MACROD1: variants seen among roughly 807,000 people sequenced by gnomAD.
MACROD1 encodes the protein mono-ADP ribosylhydrolase 1, also known as ADP-ribose glycohydrolase MACROD1.
A neutral mutation model predicts 41.4 loss-of-function variants in MACROD1; 31 were observed. The observed-to-expected ratio is 0.75, with a 90% CI of 0.56 to 1.01. MACROD1 has a LOEUF of 1.01. Among genes scored for constraint, MACROD1 ranks in the 50% least tolerant of loss-of-function variants. The pLI, the probability that MACROD1 is intolerant of heterozygous loss-of-function variation, is 0.00. For synonymous variants in MACROD1, 252 were observed against 203.4 expected, an observed-to-expected ratio of 1.24 and a Z score of -2.03; for missense variants, 473 against 460.0, an observed-to-expected ratio of 1.03 and a Z score of -0.26.
chr11:64,154,293 C>T (rs896027574), intron 1 of MACROD1, among the ~76,000 whole-genome samples: 1 of 152,060 alleles, frequency 6.6e-6, no homozygotes, highest in African/African-American at 2.4e-5. Flanking sequence ...TTTTTTGTTG[C>T]TCCATTCTTC....
chr11:64,128,332 T>C (rs565328253), intron 3 of MACROD1, among the ~76,000 whole-genome samples: 2 of 152,170 alleles, frequency 1.3e-5, no homozygotes, highest in East Asian at 1.9e-4. Context: ...TGGAACACAG[T>C]CAGCCAGCCA....
intron 3 of MACROD1, among the ~76,000 whole-genome samples, chr11:64,131,211 G>A (rs1945260521): frequency 6.6e-6 from 1 of 152,214 alleles, no homozygotes. Flanking sequence ...AAGCGGGTGA[G>A]GACACCCTGA....
At chr11:64,044,174 G>A (rs1481236503) in intron 3 of MACROD1, among the ~76,000 whole-genome samples, 1 of 151,710 alleles carries the variant, frequency 6.6e-6, no homozygotes. Flanking sequence ...ACACATGAGA[G>A]TAATCAACAC....
intron 3 of MACROD1, among the ~76,000 whole-genome samples, chr11:64,030,055 C>A (rs1310779031): frequency 6.6e-6 from 1 of 152,088 alleles, no homozygotes; most frequent in Admixed American, 6.5e-5. Flanking sequence ...GAACAACCAC[C>A]CCCCGGGTGA....
At chr11:64,085,635 T>G (rs1015610481) in intron 3 of MACROD1, among the ~76,000 whole-genome samples, 1 of 152,212 alleles carries the variant, frequency 6.6e-6, no homozygotes, top group African/African-American at 2.4e-5. Flanking sequence ...CTGCCCCACA[T>G]GGCTGTGGGG....
intron 6 of MACROD1, 31 bp from the exon 7 acceptor site, chr11:63,999,591 A>G (rs1942781984): frequency 6.2e-7 from 1 of 1,610,116 alleles, no homozygotes; most frequent in African/African-American, 1.3e-5. Flanking sequence ...GGGGGTTGGA[A>G]CATTGTCACT....
intron 8 of MACROD1, 53 bp from the exon 9 acceptor site, chr11:63,999,089 T>C: frequency 6.6e-7 from 1 of 1,511,224 alleles, no homozygotes; most frequent in Non-Finnish European, 8.9e-7. Context: ...GGCCCCAGGA[T>C]CCTGTGACTG....
At chr11:64,073,832 A>G (rs1944153055) in intron 3 of MACROD1, among the ~76,000 whole-genome samples, 1 of 152,142 alleles carries the variant, frequency 6.6e-6, no homozygotes. Context: ...GGGGGCCCAC[A>G]GCCCCCAGAG....
rs1944317630 is a variant in MACROD1 at position 64,082,269 on chromosome 11, G to T, written c.518-66988C>A. Reference sequence around the variant, plus strand: ...TAGCAGAGGATGGCTGAGCCTGGGGGGTGGAGAAAATCTTGCCTCCTGCTC... The same window carrying T: ...TAGCAGAGGATGGCTGAGCCTGGGGTGTGGAGAAAATCTTGCCTCCTGCTC... On this transcript the variant is annotated intron_variant, in intron 3 of 10. Transcript: ENST00000255681. The surrounding 1 kb of genome is among the most constrained non-coding windows in gnomAD (Gnocchi z 4.5). Among the ~76,000 whole-genome samples the T allele has an allele frequency of 6.6e-6, 1 of 152,236 alleles. No homozygotes were observed. Among genetic ancestry groups the T allele is most frequent in the Non-Finnish European group, 1.5e-5 (1 of 68,010 alleles).
chr11:64,139,672 G>C (rs1235276309), intron 3 of MACROD1, among the ~76,000 whole-genome samples: 1 of 152,184 alleles, frequency 6.6e-6, no homozygotes, highest in Non-Finnish European at 1.5e-5. Flanking sequence ...AGAGGCAGGG[G>C]CTGGCCGGGT....
chr11:64,165,774 C>G lies in MACROD1; in HGVS notation c.221G>C (p.Gly74Ala). The change falls in exon 1 of 11, where the codon GGG becomes GCG. Residue 74 changes from glycine to alanine, a missense_variant. Physicochemically the swap from Gly to Ala is moderately conservative, Grantham distance 60 (BLOSUM62 0). Coordinates refer to ENST00000255681, the MANE Select transcript of MACROD1 (RefSeq NM_014067.4). ...WGAAAVGRTA[G>A]VRTWAPLAMA... Reference sequence around the variant, plus strand: ...GGCCAGGGGGGCCCAAGTGCGCACCCCGGCTGTCCGCCCCACCGCCGCCGC... The same window carrying G: ...GGCCAGGGGGGCCCAAGTGCGCACCGCGGCTGTCCGCCCCACCGCCGCCGC... The G allele has an allele frequency of 6.7e-7, 1 of 1,495,612 alleles. No individual in the cohort carries two copies. The highest frequency in any genetic ancestry group is 8.9e-7 in the Non-Finnish European group (1 of 1,128,732). The allele number at this position is 1,495,612 out of a possible 1,614,324, so 92.6% of individuals were successfully genotyped here. A position where few individuals can be genotyped will look rare whatever the true frequency, so the allele number is the denominator to read the frequency against.
chr11:64,015,755 G>T (rs1039918225), intron 3 of MACROD1, among the ~76,000 whole-genome samples: 2 of 152,174 alleles, frequency 1.3e-5, no homozygotes, highest in African/African-American at 4.8e-5. Context: ...TTTGCAACCG[G>T]GCTAAGCGCT....
intron 3 of MACROD1, among the ~76,000 whole-genome samples, chr11:64,149,529 C>T (rs1407090490): frequency 6.6e-6 from 1 of 152,190 alleles, no homozygotes; most frequent in Non-Finnish European, 1.5e-5. Context: ...GTGCAGCCTC[C>T]GGAGCGCCCC....
At chr11:64,143,753 T>TACACACATACACACAC (rs1945448514) in intron 3 of MACROD1, among the ~76,000 whole-genome samples, 1 of 101,616 alleles carries the variant, frequency 9.8e-6, no homozygotes, top group Admixed American at 1.1e-4. Context: ...GACACACACA[T>TACACACATACACACAC]ACACACACAC....
At chr11:64,108,786 G>A (rs755731909) in intron 3 of MACROD1, among the ~76,000 whole-genome samples, 3 of 152,210 alleles carry the variant, frequency 2.0e-5, no homozygotes, top group African/African-American at 4.8e-5. Context: ...GGGAGGGACT[G>A]GCAGGGGAAA....
chr11:64,165,535 G>C (rs947668387), intron 1 of MACROD1, among the ~76,000 whole-genome samples, 162 bp downstream of exon 1: 3 of 151,924 alleles, frequency 2.0e-5, no homozygotes, highest in Admixed American at 1.3e-4. Flanking sequence ...GGGGCGGGGG[G>C]GGCTGTCAAT....
In MACROD1 at chr11:64,150,340, C is replaced by T. The variant is rs192528649; in HGVS notation, c.517+899G>A. On this transcript the variant is annotated intron_variant, in intron 3 of 10. Coordinates refer to ENST00000255681, the MANE Select transcript of MACROD1 (RefSeq NM_014067.4). ...GCGCAAAGTGGGGACGAAGGAGACTCGAGAAGCTCCTGGGGGTGCCCTGGG... is the reference window on the plus strand; with the variant it reads ...GCGCAAAGTGGGGACGAAGGAGACTTGAGAAGCTCCTGGGGGTGCCCTGGG... Among the ~76,000 whole-genome samples, 18 of 152,332 alleles carry T rather than the reference C, an allele frequency of 1.2e-4. No individual in the cohort carries two copies. The East Asian group carries it at 2.9e-3, about 25-fold the overall frequency.
At chr11:64,138,539 C>T (rs972257683) in intron 3 of MACROD1, 13 of 985,432 alleles carry the variant, frequency 1.3e-5, no homozygotes, top group African/African-American at 1.2e-4. Flanking sequence ...ATGTTTAAAC[C>T]GTACCTGAAA....
intron 3 of MACROD1, among the ~76,000 whole-genome samples, chr11:64,081,501 G>A (rs1040928392): frequency 8.5e-5 from 13 of 152,132 alleles, no homozygotes; most frequent in African/African-American, 1.9e-4. Flanking sequence ...TGCCTGGTAC[G>A]TGGGGTTCAG....
Sources: gnomAD v4.1 joint callset for allele counts (sites outside exome capture counted in the v4.1 genomes callset) on GRCh38, gnomAD v4.1.1 for gene constraint, Gnocchi (gnomAD v3.1) non-coding constraint, MANE v1.5 for transcripts, NCBI Gene and HGNC (gene_info 2026-07-23, HGNC 2026-07-21) for gene names.